CAMTA1: variants seen among roughly 807,000 people sequenced by gnomAD.
CAMTA1 encodes calmodulin-binding transcription activator 1.
A neutral mutation model predicts 170.9 loss-of-function variants in CAMTA1; 27 were observed. That is an observed-to-expected ratio of 0.16 (90% CI 0.12 to 0.22). The LOEUF (loss-of-function observed/expected upper bound fraction) is 0.22. CAMTA1 is among the 10% of genes least tolerant of loss of function. The pLI, the probability that CAMTA1 is intolerant of heterozygous loss-of-function variation, is 1.00. For missense variants in CAMTA1, 1,619 were observed against 2,217.2 expected (o/e 0.73, Z 5.42); for synonymous variants, 833 against 891.5 (o/e 0.93, Z 1.17).
Position 7,674,223 on chromosome 1 carries a change from C to A in CAMTA1, c.2779+3186C>A, listed in dbSNP as rs147140897. Among the ~76,000 whole-genome samples, 353 of 152,342 alleles carry A rather than the reference C, an allele frequency of 2.3e-3. 1 individual carries two copies. Among genetic ancestry groups the A allele is most frequent in the Middle Eastern group, 0.014 (4 of 294 alleles). Reference sequence around the variant, plus strand: ...TGAGCAGGGTCCTGCCCTGGCAGCTCCCACACCGTCACAGGTGGCAGGAGA... The same window carrying A: ...TGAGCAGGGTCCTGCCCTGGCAGCTACCACACCGTCACAGGTGGCAGGAGA... On this transcript the variant is annotated intron_variant, in intron 10 of 22. Coordinates refer to ENST00000303635, the MANE Select transcript of CAMTA1 (RefSeq NM_015215.4). This position sits in a 1 kb window ranked among gnomAD's most constrained non-coding sequence, Gnocchi z 4.1.
chr1:7,058,895 A>ACTCTCT (rs55691655), intron 3 of CAMTA1, among the ~76,000 whole-genome samples: 1 of 151,176 alleles, frequency 6.6e-6, no homozygotes, highest in Non-Finnish European at 1.5e-5. Flanking sequence ...ACACACACAC[A>ACTCTCT]CTCTCTCTCT....
chr1:7,271,797 A>T (rs1415735787), intron 5 of CAMTA1, among the ~76,000 whole-genome samples: 1 of 152,154 alleles, frequency 6.6e-6, no homozygotes, highest in Admixed American at 6.5e-5. Flanking sequence ...ATCACTACTG[A>T]CCTTCTAGAA....
chr1:6,959,370 G>A (rs960117152), intron 3 of CAMTA1, among the ~76,000 whole-genome samples: 9 of 152,158 alleles, frequency 5.9e-5, no homozygotes, highest in Non-Finnish European at 1.0e-4. Context: ...TGCAGGAAGC[G>A]GCGGCCTTGG....
rs116061931 is a variant in CAMTA1 at position 7,499,830 on chromosome 1, G to A, written c.510+31929G>A. ...GTGTGAGCCTGGTGTGCATGCATAT[G>A]TATGTGTGTGTGCATGTGTGTACAT... On this transcript the variant is annotated intron_variant, in intron 6 of 22. Transcript: ENST00000303635. 7.9e-3 allele frequency among the ~76,000 whole-genome samples: 1,150 copies of A among 145,728 alleles called. 55 individuals carry two copies. The highest frequency in any genetic ancestry group is 0.028 in the African/African-American group (1,104 of 38,750).
chr1:7,483,241 AAG>A (rs1282223769), intron 6 of CAMTA1, among the ~76,000 whole-genome samples: 2 of 152,200 alleles, frequency 1.3e-5, no homozygotes, highest in Admixed American at 1.3e-4. Flanking sequence ...AGACCGGAGG[AAG>A]AGAGCTCAGG....
At chr1:7,002,830 G>C (rs2100650938) in intron 3 of CAMTA1, among the ~76,000 whole-genome samples, 1 of 152,280 alleles carries the variant, frequency 6.6e-6, no homozygotes, top group Non-Finnish European at 1.5e-5. Context: ...GAACGTGCCG[G>C]TTTGCCATGA....
intron 1 of CAMTA1, among the ~76,000 whole-genome samples, chr1:6,810,001 C>G (rs1273564289): frequency 6.6e-6 from 1 of 152,010 alleles, no homozygotes; most frequent in African/African-American, 2.4e-5. Flanking sequence ...TGATCCAGTC[C>G]AAGATGAGAA....
intron 3 of CAMTA1, among the ~76,000 whole-genome samples, chr1:6,980,744 G>A (rs147162106): frequency 2.0e-5 from 3 of 152,238 alleles, no homozygotes; most frequent in Admixed American, 6.5e-5. Context: ...GCCACCATGC[G>A]AGATGTGACT....
intron 3 of CAMTA1, among the ~76,000 whole-genome samples, chr1:6,987,001 C>T (rs1369802408): frequency 3.3e-5 from 5 of 152,170 alleles, no homozygotes; most frequent in Admixed American, 3.3e-4. Context: ...CCAGCCCCTC[C>T]GCCCCCACTT....
At chr1:7,023,385 T>C (rs559055552) in intron 3 of CAMTA1, among the ~76,000 whole-genome samples, 1 of 152,340 alleles carries the variant, frequency 6.6e-6, no homozygotes, top group African/African-American at 2.4e-5. Context: ...CCAATGTAGA[T>C]AAGCCCTTAG....
Position 6,915,730 on chromosome 1 carries a change from G to A in CAMTA1, c.234+90520G>A, listed in dbSNP as rs183772307. 3.3e-5 allele frequency among the ~76,000 whole-genome samples: 5 copies of A among 152,300 alleles called. 1 individual carries two copies. Among genetic ancestry groups the A allele is most frequent in the African/African-American group, 1.2e-4 (5 of 41,564 alleles). On this transcript the variant is annotated intron_variant, in intron 3 of 22. Coordinates refer to ENST00000303635, the MANE Select transcript of CAMTA1 (RefSeq NM_015215.4). Reference sequence around the variant, plus strand: ...CCAGCCCTGTCAGCCATGGCCACTGGCGTGGTGAGGAAGATGGAGTCAGTA... The same window carrying A: ...CCAGCCCTGTCAGCCATGGCCACTGACGTGGTGAGGAAGATGGAGTCAGTA...
chr1:7,140,956 C>T (rs565980099), intron 4 of CAMTA1, among the ~76,000 whole-genome samples: 1 of 152,256 alleles, frequency 6.6e-6, no homozygotes, highest in African/African-American at 2.4e-5. Flanking sequence ...CTCTCTGCTA[C>T]CTTTTCTTCC....
chr1:7,556,286 T>C (rs2094876078), intron 6 of CAMTA1, among the ~76,000 whole-genome samples: 2 of 152,012 alleles, frequency 1.3e-5, no homozygotes, highest in South Asian at 4.1e-4. Context: ...TCTGGGTGGG[T>C]TGGTCTGAAA....
At chr1:6,845,738 G>C (rs559059928) in intron 3 of CAMTA1, among the ~76,000 whole-genome samples, 27 of 152,298 alleles carry the variant, frequency 1.8e-4, no homozygotes, top group Non-Finnish European at 3.4e-4. Context: ...AAGCTAGAGC[G>C]TAGTAACTAA....
chr1:7,438,848 ACT>A (rs1453685599), intron 5 of CAMTA1, among the ~76,000 whole-genome samples: 1 of 152,082 alleles, frequency 6.6e-6, no homozygotes, highest in East Asian at 1.9e-4. Context: ...AGTCCTGGCC[ACT>A]CTCAGCCTCA....
intron 4 of CAMTA1, among the ~76,000 whole-genome samples, chr1:7,208,893 G>A (rs1009248051): frequency 6.6e-5 from 10 of 152,136 alleles, no homozygotes; most frequent in African/African-American, 2.2e-4. Flanking sequence ...TGAGCCCTTC[G>A]TATAGAAAGC....
At chr1:7,169,449 G>A (rs1229145375) in intron 4 of CAMTA1, among the ~76,000 whole-genome samples, 3 of 151,982 alleles carry the variant, frequency 2.0e-5, no homozygotes, top group Non-Finnish European at 4.4e-5. Flanking sequence ...AGAATATTCA[G>A]GTTTTTATAT....
chr1:7,454,481 T>C (rs1423201237), intron 5 of CAMTA1, among the ~76,000 whole-genome samples: 1 of 152,206 alleles, frequency 6.6e-6, no homozygotes, highest in East Asian at 1.9e-4. Context: ...TGTGATTCAG[T>C]GTCGCGGCCA....
intron 4 of CAMTA1, among the ~76,000 whole-genome samples, chr1:7,241,791 CA>C (rs1446620069): frequency 6.6e-6 from 1 of 152,022 alleles, no homozygotes; most frequent in Non-Finnish European, 1.5e-5. Context: ...ACACCATATG[CA>C]AAAATTCACT....
Sources: allele counts gnomAD v4.1 joint callset (sites outside exome capture counted in the v4.1 genomes callset), GRCh38; gene constraint gnomAD v4.1.1; non-coding constraint Gnocchi (gnomAD v3.1); transcripts MANE v1.5; gene names NCBI Gene and HGNC (gene_info 2026-07-23, HGNC 2026-07-21).